ADGRV1: variants seen among roughly 807,000 people sequenced by gnomAD.
The protein encoded by ADGRV1 is G-protein coupled receptor 98.
Under a neutral mutation model 596.2 loss-of-function variants are expected in ADGRV1, and 359 were observed. The observed-to-expected ratio is 0.60, with a 90% confidence interval of 0.55 to 0.66. The LOEUF (loss-of-function observed/expected upper bound fraction) is 0.66, where lower values mean the gene tolerates loss of function less well. Among genes scored for constraint, ADGRV1 ranks in the 30% least tolerant of loss-of-function variants. ADGRV1 has a pLI of 0.00. For synonymous variants in ADGRV1, 2,681 were observed against 2,679.2 expected, an observed-to-expected ratio of 1.00 and a Z score of -0.02; for missense variants, 7,274 against 7,575.6, an observed-to-expected ratio of 0.96 and a Z score of 1.48.
intron 28 of ADGRV1, 56 bp from the exon 29 acceptor site, chr5:90,685,724 C>T: frequency 3.0e-6 from 4 of 1,354,762 alleles, no homozygotes; most frequent in Non-Finnish European, 3.1e-6. Flanking sequence ...GACTTTTGGC[C>T]AGTTCTTAGA....
chr5:90,753,189 CAA>C (rs1303431800), intron 53 of ADGRV1, among the ~76,000 whole-genome samples: 8 of 152,076 alleles, frequency 5.3e-5, no homozygotes, highest in Non-Finnish European at 1.2e-4. Context: ...ATAATCCGGG[CAA>C]AAGTTTTGCA....
rs1754542391 is a variant in ADGRV1, at chr5:90,745,670, AAAG to A, written c.10855_10857del (p.Glu3619del). On this transcript the variant is annotated inframe_deletion, in exon 52 of 90. Coordinates refer to ENST00000405460, the MANE Select transcript of ADGRV1 (RefSeq NM_032119.4). ...TATCCTTGATGATACAGTTCCAGAAAAAGAAGAATCCTTCAAAGTTCAACTTAA... is the reference window on the plus strand; with the variant it reads ...TATCCTTGATGATACAGTTCCAGAAAAAGAATCCTTCAAAGTTCAACTTAA... 6.2e-7 allele frequency: 1 copy of A among 1,612,764 alleles called. No homozygotes were observed. Among genetic ancestry groups the A allele is most frequent in the African/African-American group, 1.3e-5 (1 of 74,896 alleles).
chr5:90,922,045 C>T (rs1186616488), intron 83 of ADGRV1, among the ~76,000 whole-genome samples: 2 of 152,094 alleles, frequency 1.3e-5, no homozygotes. Flanking sequence ...AGTGGGTAGC[C>T]ACCCCCTCGC....
In ADGRV1 at chr5:90,657,944, A is replaced by G. The variant is rs757686328; in HGVS notation, c.4418A>G (p.Asn1473Ser). 3.7e-6 allele frequency: 6 copies of G among 1,613,238 alleles called. No homozygotes were observed. In the South Asian group the frequency reaches 4.4e-5, roughly 12 times the overall value. Residue 1473 changes from asparagine (N) to serine (S), a missense_variant, in exon 21 of 90, where the codon AAT becomes AGT. Asn to Ser is a conservative substitution (Grantham distance 46, BLOSUM62 1). Coordinates refer to ENST00000405460, the MANE Select transcript of ADGRV1 (RefSeq NM_032119.4). ...ILRIGAGING[N>S]DRFTGLMQDV... Reference sequence around the variant, plus strand: ...AGAATTGGAGCAGGGATAAATGGCAATGACAGATTTACAGGTCTGATGCAG... The same window carrying G: ...AGAATTGGAGCAGGGATAAATGGCAGTGACAGATTTACAGGTCTGATGCAG...
At position 90,840,965 on chromosome 5, in the gene ADGRV1, A is replaced by G. The variant is rs201767389; in HGVS notation, c.16999A>G (p.Met5667Val). Residue 5667 changes from methionine (M) to valine (V), a missense_variant, in exon 78 of 90, where the codon ATG becomes GTG. By Grantham distance (21) the Met-to-Val change is conservative (BLOSUM62 1). This residue lies in a region of ADGRV1 where 1,874 missense variants were observed against 1,970.2 expected (regional missense o/e 0.95). Coordinates refer to ENST00000405460, the MANE Select transcript of ADGRV1 (RefSeq NM_032119.4). Reference protein sequence around the residue: ...TENTDEQLSAMMHLIEKITTE... With the variant: ...TENTDEQLSAVMHLIEKITTE... ...AAACACAGATGAACAACTCAGTGCC[A>G]TGATGCATTTAATAGAAAAGGTAAG... is the stretch of plus-strand genomic sequence containing the variant. 2.8e-4 allele frequency: 401 copies of G among 1,409,470 alleles called. No homozygotes were observed. Among genetic ancestry groups the G allele is most frequent in the Non-Finnish European group, 3.6e-4 (386 of 1,075,202 alleles). 87.3% of individuals were successfully genotyped at this position (1,409,470 alleles called of 1,614,324 possible).
At chr5:90,837,374 T>G (rs948655047) in intron 77 of ADGRV1, among the ~76,000 whole-genome samples, 9 of 149,766 alleles carry the variant, frequency 6.0e-5, no homozygotes, top group South Asian at 2.1e-4. Context: ...TCTTTTTTTT[T>G]TTCTTTTTTT....
At chr5:90,976,344 A>ATATATATATG (rs1466770133) in intron 84 of ADGRV1, among the ~76,000 whole-genome samples, 8 of 143,350 alleles carry the variant, frequency 5.6e-5, no homozygotes, top group African/African-American at 1.8e-4. Context: ...ATATATATAT[A>ATATATATATG]TATATGTATA....
In ADGRV1 at chr5:90,811,057, G is replaced by A. The variant is rs1762396556; in HGVS notation, c.15797G>A (p.Cys5266Tyr). 3 of 1,613,922 alleles carry A rather than the reference G, an allele frequency of 1.9e-6. No individual in the cohort carries two copies. Among genetic ancestry groups the A allele is most frequent in the South Asian group, 2.2e-5 (2 of 91,078 alleles). The change falls in exon 74 of 90, where the codon TGT becomes TAT. Residue 5266 changes from cysteine (C) to tyrosine (Y), a missense_variant. Physicochemically the swap from Cys to Tyr is radical, Grantham distance 194. Around this residue, in one of 5 missense-constraint regions of ADGRV1, gnomAD observed 1,874 missense variants for 1,970.2 expected, o/e 0.95. Transcript: ENST00000405460. ...ACAGTTAAAACTTTCGGTGAAAGAT[G>A]TGCTCAGATGGAACCAAATGCATTG... ...SITVKTFGERCAQMEPNALPF... is the reference protein window; with the variant it reads ...SITVKTFGERYAQMEPNALPF...
At chr5:90,791,651 A>G (rs542714447) in intron 70 of ADGRV1, 150 of 305,212 alleles carry the variant, frequency 4.9e-4, no homozygotes, top group African/African-American at 2.9e-3. Flanking sequence ...GGACATGTGT[A>G]TGCACACGCA....
chr5:90,848,926 G>GATA, intron 79 of ADGRV1, 105 bp downstream of exon 79: 1 of 773,554 alleles, frequency 1.3e-6, no homozygotes, highest in Non-Finnish European at 2.0e-6. Context: ...AACTAAGAAT[G>GATA]ATACAGTCAA....
chr5:90,675,598 C>T lies in ADGRV1; in HGVS notation c.5313+153C>T, dbSNP rs141419430. Among the ~76,000 whole-genome samples, 652 of 152,024 alleles carry T rather than the reference C, an allele frequency of 4.3e-3. 5 individuals are homozygous for T. The highest frequency in any genetic ancestry group is 0.014 in the African/African-American group (595 of 41,468). ...CAAAGGCGAGAGGATTGCTTGAGGC[C>T]ACCAGCATGGGCAACGTCGCAAGTC... On this transcript the variant is annotated intron_variant, in intron 24 of 89. Coordinates refer to ENST00000405460, the MANE Select transcript of ADGRV1 (RefSeq NM_032119.4).
At chr5:90,683,481 T>G in intron 27 of ADGRV1, 105 bp from the exon 28 acceptor site, 1 of 929,524 alleles carries the variant, frequency 1.1e-6, no homozygotes, top group Non-Finnish European at 1.6e-6. Context: ...GGAGAAGAAC[T>G]TATATAAAAT....
intron 77 of ADGRV1, among the ~76,000 whole-genome samples, chr5:90,837,560 A>C (rs1262242197): frequency 6.6e-6 from 1 of 151,876 alleles, no homozygotes; most frequent in Non-Finnish European, 1.5e-5. Flanking sequence ...TATAGAGGTG[A>C]CATTTCACCA....
chr5:90,790,480 TC>T (rs1759943451), intron 69 of ADGRV1, among the ~76,000 whole-genome samples: 1 of 152,230 alleles, frequency 6.6e-6, no homozygotes. Context: ...TCATAGATAG[TC>T]CTTTTTTATT....
At chr5:90,593,900 TAATTA>T (rs376376288) in intron 1 of ADGRV1, among the ~76,000 whole-genome samples, 32 of 152,310 alleles carry the variant, frequency 2.1e-4, no homozygotes, top group African/African-American at 7.2e-4. Flanking sequence ...TCTTGATATG[TAATTA>T]AATTAAAATA....
intron 34 of ADGRV1, among the ~76,000 whole-genome samples, chr5:90,698,084 G>A (rs1747434121): frequency 1.3e-5 from 2 of 151,970 alleles, no homozygotes; most frequent in Non-Finnish European, 2.9e-5. Context: ...GCAAATATTC[G>A]AGCCATTTTC....
chr5:90,763,146 G>T, intron 58 of ADGRV1, 159 bp from the exon 59 acceptor site: 1 of 553,038 alleles, frequency 1.8e-6, no homozygotes, highest in Admixed American at 3.2e-5. Context: ...AATAGAAAGT[G>T]GGATTTGGTA....
At chr5:90,814,801 G>T (rs1762750054) in intron 74 of ADGRV1, among the ~76,000 whole-genome samples, 1 of 152,068 alleles carries the variant, frequency 6.6e-6, no homozygotes, top group African/African-American at 2.4e-5. Flanking sequence ...AATACACATG[G>T]TTTTCGAGGC....
rs780800996 is a variant in ADGRV1, at chr5:90,811,296, G to A, written c.16036G>A (p.Asp5346Asn). 1.9e-6 allele frequency: 3 copies of A among 1,610,142 alleles called. No individual in the cohort carries two copies. In the East Asian group the frequency reaches 6.7e-5, roughly 36 times the overall value. ...GGGAGCACAGATTGTGGAGGAGAAG[G>A]ATGATACTGGATTTGCAGCTTTTGC... ...QGGAQIVEEK[D>N]DTGFAAFAMV... is the part of the protein sequence containing the mutation. The change falls in exon 74 of 90, where the codon GAT (aspartate) becomes AAT (asparagine). Residue 5346 changes from aspartate (D) to asparagine (N), a missense_variant. By Grantham distance (23) the Asp-to-Asn change is conservative (BLOSUM62 1). Around this residue, in one of 5 missense-constraint regions of ADGRV1, gnomAD observed 1,874 missense variants for 1,970.2 expected, o/e 0.95. Coordinates refer to ENST00000405460, the MANE Select transcript of ADGRV1 (RefSeq NM_032119.4).
Sources: gnomAD v4.1 joint callset for allele counts (sites outside exome capture counted in the v4.1 genomes callset) on GRCh38, gnomAD v4.1.1 for gene constraint, gnomAD v4.1.1 regional missense constraint, MANE v1.5 for transcripts, NCBI Gene and HGNC (gene_info 2026-07-23, HGNC 2026-07-21) for gene names.